RELN: variants seen among roughly 807,000 people sequenced by gnomAD.
The protein encoded by RELN is reelin.
A neutral mutation model predicts 427.6 loss-of-function variants in RELN; 108 were observed. The observed-to-expected ratio is 0.25, with a 90% CI of 0.22 to 0.30. The LOEUF is 0.30. RELN is among the 10% of genes least tolerant of loss of function. The pLI is 1.00. For missense variants in RELN, 3,715 were observed against 4,302.8 expected (o/e 0.86, Z 3.82); for synonymous variants, 1,524 against 1,513.4 (o/e 1.01, Z -0.16).
chr7:103,839,023 T>A (rs1446507521), intron 2 of RELN, among the ~76,000 whole-genome samples: 1 of 152,190 alleles, frequency 6.6e-6, no homozygotes, highest in East Asian at 1.9e-4. Flanking sequence ...TATTGAGATT[T>A]TGTAAAGCTC....
At chr7:103,857,172 T>C (rs1012061897) in intron 2 of RELN, among the ~76,000 whole-genome samples, 2 of 152,198 alleles carry the variant, frequency 1.3e-5, no homozygotes, top group Non-Finnish European at 2.9e-5. Context: ...GTCTGCATTA[T>C]AACAATGTAG....
At chr7:103,950,530 T>C (rs1180529140) in intron 1 of RELN, among the ~76,000 whole-genome samples, 1 of 152,214 alleles carries the variant, frequency 6.6e-6, no homozygotes, top group Non-Finnish European at 1.5e-5. Flanking sequence ...AAGTGGTTCC[T>C]CAGCATGTGC....
At chr7:103,684,354 G>T (rs1833718381) in intron 10 of RELN, among the ~76,000 whole-genome samples, 1 of 152,066 alleles carries the variant, frequency 6.6e-6, no homozygotes, top group African/African-American at 2.4e-5. Context: ...ACAAATTTAT[G>T]CCTGAATGCA....
intron 1 of RELN, among the ~76,000 whole-genome samples, chr7:103,981,220 A>G (rs564060927): frequency 6.6e-6 from 1 of 152,368 alleles, no homozygotes; most frequent in African/African-American, 2.4e-5. Context: ...TTAAATGTCA[A>G]CAGGATTTAC....
chr7:103,745,128 T>TG (rs1166144400), intron 6 of RELN, among the ~76,000 whole-genome samples: 1 of 152,112 alleles, frequency 6.6e-6, no homozygotes, highest in East Asian at 1.9e-4. Context: ...AATCAATAAA[T>TG]GTAATCCAGC....
intron 1 of RELN, among the ~76,000 whole-genome samples, chr7:103,969,572 A>G (rs924867859): frequency 7.2e-5 from 11 of 152,220 alleles, no homozygotes; most frequent in Non-Finnish European, 4.4e-5. Context: ...AACTGGCCGA[A>G]AATCTAGGAA....
At chr7:103,623,847 G>A (rs1249460034) in intron 20 of RELN, among the ~76,000 whole-genome samples, 3 of 152,084 alleles carry the variant, frequency 2.0e-5, no homozygotes, top group African/African-American at 7.2e-5. Context: ...TCATTTTCCA[G>A]GTCATTTTGG....
At chr7:103,743,466 G>C (rs12155119) in intron 6 of RELN, among the ~76,000 whole-genome samples, 35 of 152,240 alleles carry the variant, frequency 2.3e-4, no homozygotes, top group African/African-American at 8.4e-4. Context: ...ACACAGACTG[G>C]CAAATTGGAT....
At chr7:103,920,756 T>C (rs1222148308) in intron 1 of RELN, among the ~76,000 whole-genome samples, 1 of 152,030 alleles carries the variant, frequency 6.6e-6, no homozygotes, top group Non-Finnish European at 1.5e-5. Context: ...GTATTTTTAG[T>C]AGAGACAGGG....
At chr7:103,796,498 T>C (rs1792301749) in intron 3 of RELN, among the ~76,000 whole-genome samples, 1 of 152,190 alleles carries the variant, frequency 6.6e-6, no homozygotes, top group Non-Finnish European at 1.5e-5. Context: ...AATAATCTTC[T>C]TTCCCTGGAT....
Position 103,565,365 on chromosome 7 carries a change from C to A in RELN, c.5123G>T (p.Cys1708Phe). 1 of 1,614,080 alleles carries A rather than the reference C, an allele frequency of 6.2e-7. No individual in the cohort carries two copies. Among genetic ancestry groups the A allele is most frequent in the Non-Finnish European group, 8.5e-7 (1 of 1,180,000 alleles). The part of the protein sequence containing the change: ...TEECVPPTIG[C>F]LHYTESSIYT... ...AATTGAACTTTCCGTGTAATGCAGA[C>A]AGCCAATGGTTGGAGGAACACACTC... is the stretch of plus-strand genomic sequence containing the variant. The change falls in exon 34 of 65, where the codon TGT (cysteine) becomes TTT (phenylalanine). Residue 1708 changes from cysteine (C) to phenylalanine (F), a missense_variant. This residue lies in a region of RELN where 2,208 missense variants were observed against 2,361.7 expected (regional missense o/e 0.93). Coordinates refer to ENST00000428762, the MANE Select transcript of RELN (RefSeq NM_005045.4).
intron 48 of RELN, among the ~76,000 whole-genome samples, chr7:103,520,034 A>T (rs1829663477): frequency 6.6e-6 from 1 of 152,022 alleles, no homozygotes; most frequent in East Asian, 1.9e-4. Flanking sequence ...ATGTATTCCA[A>T]GATAATTTTC....
At chr7:103,775,848 T>C (rs17155888) in intron 4 of RELN, among the ~76,000 whole-genome samples, 2 of 151,968 alleles carry the variant, frequency 1.3e-5, no homozygotes, top group South Asian at 2.1e-4. Flanking sequence ...ATAGTCCCCA[T>C]ACTTGAGAAG....
At chr7:103,559,932 G>A (rs895882417) in intron 36 of RELN, among the ~76,000 whole-genome samples, 5 of 152,164 alleles carry the variant, frequency 3.3e-5, no homozygotes, top group Admixed American at 2.0e-4. Context: ...CAAGTATAAA[G>A]TTGTTCCCAT....
At chr7:103,650,490 A>C in intron 15 of RELN, 107 bp from the exon 16 acceptor site, 1 of 760,046 alleles carries the variant, frequency 1.3e-6, no homozygotes, top group Non-Finnish European at 2.4e-6. Flanking sequence ...GAAAAGCACT[A>C]AAGTTTACCA....
intron 1 of RELN, among the ~76,000 whole-genome samples, chr7:103,927,610 T>C (rs944277327): frequency 2.0e-5 from 3 of 152,202 alleles, no homozygotes; most frequent in African/African-American, 7.2e-5. Flanking sequence ...TAACATTAAA[T>C]TGTAATTATA....
At chr7:103,815,287 A>C (rs1792843469) in intron 3 of RELN, among the ~76,000 whole-genome samples, 1 of 152,184 alleles carries the variant, frequency 6.6e-6, no homozygotes, top group African/African-American at 2.4e-5. Flanking sequence ...TAAACTTATA[A>C]GGTTTTACAC....
At chr7:103,768,236 T>C (rs1448263115) in intron 4 of RELN, among the ~76,000 whole-genome samples, 1 of 152,106 alleles carries the variant, frequency 6.6e-6, no homozygotes. Flanking sequence ...ATTGAGGGTA[T>C]ACAGCCCAGC....
intron 41 of RELN, among the ~76,000 whole-genome samples, chr7:103,545,879 G>T (rs1422513751): frequency 6.6e-6 from 1 of 152,024 alleles, no homozygotes; most frequent in African/African-American, 2.4e-5. Context: ...CAGGCGATCC[G>T]CCCACATCAG....
Sources: allele counts gnomAD v4.1 joint callset (sites outside exome capture counted in the v4.1 genomes callset), GRCh38; gene constraint gnomAD v4.1.1; regional missense constraint gnomAD v4.1.1; transcripts MANE v1.5; gene names NCBI Gene and HGNC (gene_info 2026-07-23, HGNC 2026-07-21).